ATP8A1: variants seen among roughly 807,000 people sequenced by gnomAD.
ATP8A1 encodes the protein phospholipid-transporting ATPase IA.
Under a neutral mutation model 177.7 loss-of-function variants are expected in ATP8A1, and 90 were observed. The observed-to-expected ratio is 0.51, with a 90% CI of 0.43 to 0.60. The LOEUF is 0.60. Among genes scored for constraint, ATP8A1 ranks in the 20% least tolerant of loss-of-function variants. ATP8A1 has a pLI of 0.00. For missense variants in ATP8A1, 1,072 were observed against 1,392.8 expected (o/e 0.77, Z 3.67); for synonymous variants, 493 against 485.9 (o/e 1.01, Z -0.19).
At chr4:42,419,432 A>C (rs1713607823) in intron 35 of ATP8A1, among the ~76,000 whole-genome samples, 1 of 152,092 alleles carries the variant, frequency 6.6e-6, no homozygotes, top group African/African-American at 2.4e-5. Context: ...ATAGAAGTTT[A>C]TACAGAGTAT....
chr4:42,627,134 A>G, intron 1 of ATP8A1, 25 bp from the exon 2 acceptor site: 2 of 1,560,166 alleles, frequency 1.3e-6, no homozygotes, highest in Non-Finnish European at 1.8e-6. Context: ...TTCTTATTGT[A>G]CAAGAAATGT....
At chr4:42,586,582 T>C (rs1158188175) in intron 8 of ATP8A1, 106 bp from the exon 9 acceptor site, 1 of 1,118,084 alleles carries the variant, frequency 8.9e-7, no homozygotes, top group African/African-American at 1.6e-5. Flanking sequence ...AAAGATCCCA[T>C]TATTTTTATA....
chr4:42,654,720 A>G (rs1741452681), intron 1 of ATP8A1, among the ~76,000 whole-genome samples: 1 of 152,156 alleles, frequency 6.6e-6, no homozygotes, highest in Non-Finnish European at 1.5e-5. Flanking sequence ...ACTCTTTTTG[A>G]GCCAAACCAC....
chr4:42,560,115 A>G (rs1730658553), intron 15 of ATP8A1, among the ~76,000 whole-genome samples: 1 of 152,236 alleles, frequency 6.6e-6, no homozygotes, highest in South Asian at 2.1e-4. Context: ...TTTTTATGGA[A>G]TATGAAAAAA....
At position 42,464,705 on chromosome 4, in the gene ATP8A1, C is replaced by G; in HGVS notation, c.2604G>C (p.Val868=). Reference sequence around the variant, plus strand: ...CTGCTATTACCTCGATAATATAGAGCACTATATTCTTGTAGAAGCAGTATA... The same window carrying G: ...CTGCTATTACCTCGATAATATAGAGGACTATATTCTTGTAGAAGCAGTATA... ...CILYCFYKNI[V]LYIIEIWFAF... Residue 868 remains valine, a synonymous_variant, in exon 27 of 37, where the codon GTG becomes GTC. Transcript: ENST00000381668. The G allele has an allele frequency of 6.2e-7, 1 of 1,600,106 alleles. No homozygotes were observed. The highest frequency in any genetic ancestry group is 1.1e-5 in the South Asian group (1 of 90,380).
intron 1 of ATP8A1, among the ~76,000 whole-genome samples, chr4:42,655,490 A>G (rs1046048595): frequency 1.3e-5 from 2 of 152,138 alleles, no homozygotes; most frequent in African/African-American, 4.8e-5. Context: ...CACTATCTCT[A>G]TGACTAATTT....
At chr4:42,601,897 A>T (rs1006938629) in intron 5 of ATP8A1, among the ~76,000 whole-genome samples, 1 of 121,950 alleles carries the variant, frequency 8.2e-6, no homozygotes, top group Non-Finnish European at 1.8e-5. Flanking sequence ...AATTAAAAAC[A>T]AAAATGTTTT....
At chr4:42,516,565 A>C (rs565352994) in intron 22 of ATP8A1, among the ~76,000 whole-genome samples, 1 of 152,374 alleles carries the variant, frequency 6.6e-6, no homozygotes, top group Non-Finnish European at 1.5e-5. Context: ...CACAGAAATT[A>C]TTAGTAGGTA....
Position 42,507,729 on chromosome 4 carries a change from CAAAAAAAAAAAAAA to C in ATP8A1, c.1948-589_1948-576del, listed in dbSNP as rs34269384. Among the ~76,000 whole-genome samples the C allele has an allele frequency of 0.016, 141 of 8,912 alleles. 6 individuals are homozygous for C. The South Asian group carries it at 0.2, about 12-fold the overall frequency. 5.8% of individuals were successfully genotyped at this position (8,912 alleles called of 152,430 possible). A position where few individuals can be genotyped will look rare whatever the true frequency, so the allele number is the denominator to read the frequency against. ...TGGGCAAGAGAGCGAGACTCCATCT[CAAAAAAAAAAAAAA>C]AAAAAAAAAAAAGTCAGTTAAAAAG... is the stretch of plus-strand genomic sequence containing the variant. On this transcript the variant is annotated intron_variant, in intron 22 of 36. Coordinates refer to ENST00000381668, the MANE Select transcript of ATP8A1 (RefSeq NM_006095.2).
At chr4:42,630,173 G>A (rs907530486) in intron 1 of ATP8A1, among the ~76,000 whole-genome samples, 3 of 152,152 alleles carry the variant, frequency 2.0e-5, no homozygotes, top group African/African-American at 7.2e-5. Flanking sequence ...CAATGCCTAA[G>A]CTGAGCTATT....
chr4:42,644,050 A>G (rs1740277098), intron 1 of ATP8A1, among the ~76,000 whole-genome samples: 1 of 152,270 alleles, frequency 6.6e-6, no homozygotes, highest in African/African-American at 2.4e-5. Context: ...ACAAACAGTA[A>G]CAATGGTGAT....
chr4:42,637,005 T>C (rs946432716), intron 1 of ATP8A1, among the ~76,000 whole-genome samples: 1 of 152,248 alleles, frequency 6.6e-6, no homozygotes, highest in South Asian at 2.1e-4. Flanking sequence ...CTATATATTA[T>C]GGAGTCTTGA....
chr4:42,474,539 G>A (rs902042135), intron 25 of ATP8A1, among the ~76,000 whole-genome samples: 2 of 152,176 alleles, frequency 1.3e-5, no homozygotes, highest in African/African-American at 4.8e-5. Flanking sequence ...GCATGCCTTG[G>A]AACAGGAAAG....
intron 7 of ATP8A1, among the ~76,000 whole-genome samples, chr4:42,590,411 C>T (rs1734049716): frequency 6.6e-6 from 1 of 152,060 alleles, no homozygotes; most frequent in Admixed American, 6.6e-5. Context: ...TGTTTATAAT[C>T]TAATCAATTT....
intron 22 of ATP8A1, among the ~76,000 whole-genome samples, chr4:42,512,028 T>C (rs1189708037): frequency 6.6e-6 from 1 of 152,192 alleles, no homozygotes; most frequent in African/African-American, 2.4e-5. Context: ...AGATTATGAC[T>C]AGGAAGATGT....
intron 22 of ATP8A1, among the ~76,000 whole-genome samples, chr4:42,513,231 C>T (rs1038809315): frequency 1.3e-5 from 2 of 152,150 alleles, no homozygotes; most frequent in Non-Finnish European, 2.9e-5. Context: ...CTTTCTTTTC[C>T]TTGCAGTTTC....
chr4:42,464,572 T>A (rs1719525384), intron 27 of ATP8A1, 118 bp downstream of exon 27: 1 of 635,588 alleles, frequency 1.6e-6, no homozygotes, highest in African/African-American at 1.8e-5. Flanking sequence ...ACATTTAGAA[T>A]TTATAAAGAG....
At chr4:42,580,979 G>A (rs183516670) in intron 10 of ATP8A1, among the ~76,000 whole-genome samples, 15 of 152,268 alleles carry the variant, frequency 9.9e-5, no homozygotes, top group African/African-American at 3.6e-4. Flanking sequence ...CAAGACAAAT[G>A]TTTTAATGCA....
At chr4:42,432,235 C>T (rs1050504068) in intron 33 of ATP8A1, among the ~76,000 whole-genome samples, 2 of 152,070 alleles carry the variant, frequency 1.3e-5, no homozygotes, top group Admixed American at 1.3e-4. Context: ...TGGAGAAATC[C>T]ACAACTTTAA....
Sources: allele counts gnomAD v4.1 joint callset (sites outside exome capture counted in the v4.1 genomes callset), GRCh38; gene constraint gnomAD v4.1.1; transcripts MANE v1.5; gene names NCBI Gene and HGNC (gene_info 2026-07-23, HGNC 2026-07-21).